Variants in CNBD1 observed in about 807,000 individuals in gnomAD.
The protein encoded by CNBD1 is cyclic nucleotide-binding domain-containing protein 1.
Under a neutral mutation model 54.4 loss-of-function variants are expected in CNBD1, and 71 were observed. The observed-to-expected ratio is 1.30, with a 90% CI of 1.08 to 1.59. CNBD1 has a LOEUF of 1.59. Among genes scored for constraint, CNBD1 ranks in the 40% most tolerant of loss-of-function variants. The pLI, the probability that CNBD1 is intolerant of heterozygous loss-of-function variation, is 0.00. For synonymous variants in CNBD1, 182 were observed against 170.7 expected, an observed-to-expected ratio of 1.07 and a Z score of -0.51; for missense variants, 659 against 518.0, an observed-to-expected ratio of 1.27 and a Z score of -2.64.
chr8:87,075,742 C>A (rs975805440), intron 4 of CNBD1, among the ~76,000 whole-genome samples: 1 of 152,066 alleles, frequency 6.6e-6, no homozygotes, highest in African/African-American at 2.4e-5. Context: ...TAGGCTGAAC[C>A]CCTAGTGTCT....
Position 86,998,115 on chromosome 8 carries a change from A to T in CNBD1, c.431+58361A>T, listed in dbSNP as rs887943651. 2.0e-5 allele frequency among the ~76,000 whole-genome samples: 3 copies of T among 151,932 alleles called. No homozygotes were observed. The East Asian group carries it at 5.8e-4, about 29-fold the overall frequency. On this transcript the variant is annotated intron_variant, in intron 4 of 10. Transcript: ENST00000518476. ...ATTCTGGTCTACAAAGTCATTGGTG[A>T]TACTAACCATTGCCCTTAAGGAAAA...
chr8:87,020,541 C>G (rs1809464257), intron 4 of CNBD1, among the ~76,000 whole-genome samples: 1 of 152,134 alleles, frequency 6.6e-6, no homozygotes. Context: ...TTATCTTACC[C>G]AAATTCCTAC....
intron 5 of CNBD1, among the ~76,000 whole-genome samples, chr8:87,212,918 C>T (rs1257460296): frequency 1.3e-5 from 2 of 152,016 alleles, no homozygotes; most frequent in African/African-American, 4.8e-5. Flanking sequence ...AAAAATGCAG[C>T]CCTTGAAATG....
intron 3 of CNBD1, among the ~76,000 whole-genome samples, chr8:86,925,897 G>A (rs1289057118): frequency 3.3e-5 from 5 of 152,110 alleles, no homozygotes; most frequent in Non-Finnish European, 5.9e-5. Context: ...GGAACCCAAA[G>A]AGGGAGTGGT....
chr8:87,276,412 C>A (rs957978948), intron 6 of CNBD1, among the ~76,000 whole-genome samples: 1 of 151,726 alleles, frequency 6.6e-6, no homozygotes. Flanking sequence ...GAATCTCCAC[C>A]TTTATGAGAA....
At chr8:87,088,779 A>G (rs1811150532) in intron 4 of CNBD1, among the ~76,000 whole-genome samples, 1 of 152,164 alleles carries the variant, frequency 6.6e-6, no homozygotes, top group Non-Finnish European at 1.5e-5. Context: ...ATATCAAAAT[A>G]CAGAATGTGA....
intron 4 of CNBD1, among the ~76,000 whole-genome samples, chr8:87,083,597 T>G: frequency 6.7e-6 from 1 of 148,568 alleles, no homozygotes; most frequent in Non-Finnish European, 1.5e-5. Flanking sequence ...TTTTTTTTTT[T>G]TTTTTTTTTG....
At chr8:87,425,921 A>G (rs7834225) in intron 2 of CNBD1, among the ~76,000 whole-genome samples, 85,489 of 151,612 alleles carry the variant, frequency 0.56, 25,511 homozygotes, top group African/African-American at 0.76. Flanking sequence ...CCCCAGCCTC[A>G]CTGCTGCCTT....
chr8:87,381,190 T>C (rs1811065575), intron 10 of CNBD1, among the ~76,000 whole-genome samples: 1 of 151,946 alleles, frequency 6.6e-6, no homozygotes, highest in African/African-American at 2.4e-5. Flanking sequence ...TTTCAATAGC[T>C]AAAAATAATA....
chr8:87,261,007 G>T (rs1369186005), intron 6 of CNBD1, among the ~76,000 whole-genome samples: 1 of 152,094 alleles, frequency 6.6e-6, no homozygotes, highest in Non-Finnish European at 1.5e-5. Context: ...AAAAATCCCT[G>T]TGAATTTTTT....
At chr8:87,030,310 G>A (rs1439255467) in intron 4 of CNBD1, among the ~76,000 whole-genome samples, 1 of 152,138 alleles carries the variant, frequency 6.6e-6, no homozygotes, top group Non-Finnish European at 1.5e-5. Context: ...CTCAAATTAT[G>A]ATGTAATGGT....
intron 4 of CNBD1, among the ~76,000 whole-genome samples, chr8:86,964,504 T>C (rs1808019695): frequency 6.6e-6 from 1 of 152,080 alleles, no homozygotes; most frequent in Admixed American, 6.5e-5. Context: ...TCCATGAGAG[T>C]TCAAATAGTT....
At position 87,353,713 on chromosome 8, in the gene CNBD1, A is replaced by T; in HGVS notation, c.1230A>T (p.Gln410His). ...ESFGEISVLL[Q>H]VPFTCTIITK... ...TTGGTGAGATTAGCGTCCTTCTTCAAGTTCCTTTCACGTGCACAATCATTA... is the reference window on the plus strand; with the variant it reads ...TTGGTGAGATTAGCGTCCTTCTTCATGTTCCTTTCACGTGCACAATCATTA... Residue 410 changes from glutamine to histidine, a missense_variant, in exon 10 of 11, where the codon CAA (glutamine) becomes CAT (histidine). Gln to His is a conservative substitution (Grantham distance 24). Coordinates refer to ENST00000518476, the MANE Select transcript of CNBD1 (RefSeq NM_173538.3). 2 of 1,611,810 alleles carry T rather than the reference A, an allele frequency of 1.2e-6. No individual in the cohort carries two copies. Among genetic ancestry groups the T allele is most frequent in the African/African-American group, 2.7e-5 (2 of 75,002 alleles).
intron 8 of CNBD1, among the ~76,000 whole-genome samples, chr8:87,314,397 G>A (rs1331486012): frequency 2.6e-5 from 4 of 151,662 alleles, no homozygotes; most frequent in Admixed American, 2.6e-4. Flanking sequence ...AGCTAAAAAG[G>A]ATTTGAGGAC....
intron 4 of CNBD1, among the ~76,000 whole-genome samples, chr8:87,165,965 C>T (rs1812953849): frequency 6.6e-6 from 1 of 151,836 alleles, no homozygotes; most frequent in Admixed American, 6.6e-5. Flanking sequence ...GAGCAAAATA[C>T]AGTTTCTAGG....
intron 5 of CNBD1, among the ~76,000 whole-genome samples, chr8:87,233,632 T>TTCTC (rs370660033): frequency 6.6e-6 from 1 of 151,378 alleles, no homozygotes; most frequent in East Asian, 1.9e-4. Flanking sequence ...TTGCAGCAAA[T>TTCTC]TCTCTCTCTC....
intron 4 of CNBD1, among the ~76,000 whole-genome samples, chr8:87,033,485 G>A (rs111565574): frequency 1.3e-5 from 2 of 152,150 alleles, no homozygotes; most frequent in Non-Finnish European, 2.9e-5. Context: ...CCTTCTTTTT[G>A]TACAACCAGG....
intron 4 of CNBD1, among the ~76,000 whole-genome samples, chr8:87,140,791 A>G (rs1412260012): frequency 6.6e-6 from 1 of 152,198 alleles, no homozygotes; most frequent in African/African-American, 2.4e-5. Flanking sequence ...AAAAAAGTTT[A>G]TCAAAAGATG....
chr8:87,416,468 C>T (rs1395809987), intron 2 of CNBD1, among the ~76,000 whole-genome samples: 1 of 151,952 alleles, frequency 6.6e-6, no homozygotes, highest in Non-Finnish European at 1.5e-5. Flanking sequence ...CCCTATCCAG[C>T]TCTGGGGAAG....
Sources: allele counts gnomAD v4.1 joint callset (sites outside exome capture counted in the v4.1 genomes callset), GRCh38; gene constraint gnomAD v4.1.1; transcripts MANE v1.5; gene names NCBI Gene and HGNC (gene_info 2026-07-23, HGNC 2026-07-21).